The following TEX15 variants were observed in gnomAD, a reference collection of about 807,000 sequenced individuals.
TEX15 encodes the protein testis expressed 15, meiosis and synapsis associated, also known as testis-expressed protein 15.
TEX15 carries 171 observed loss-of-function variants against 237.3 expected under a neutral mutation model. The observed-to-expected ratio is 0.72, with a 90% confidence interval of 0.64 to 0.82. The LOEUF (loss-of-function observed/expected upper bound fraction) is 0.82, where lower values mean the gene tolerates loss of function less well. Among genes scored for constraint, TEX15 ranks in the 40% least tolerant of loss-of-function variants. The pLI is 0.00. For synonymous variants in TEX15, 1,338 were observed against 1,269.8 expected (o/e 1.05, Z -1.14); for missense variants, 3,750 against 3,646.5 (o/e 1.03, Z -0.73).
intron 9 of TEX15, among the ~76,000 whole-genome samples, 179 bp from the exon 10 acceptor site, chr8:30,838,240 T>C (rs1427685375): frequency 6.6e-6 from 1 of 152,194 alleles, no homozygotes; most frequent in Non-Finnish European, 1.5e-5. Context: ...GGTTTGGATT[T>C]AGATACTTTT....
rs1490765036 is a variant in TEX15 at position 30,844,412 on chromosome 8, G to A, written c.5755C>T (p.Leu1919Phe). The change falls in exon 8 of 11, where the codon CTT becomes TTT. Residue 1919 changes from leucine (L) to phenylalanine (F), a missense_variant. Physicochemically the swap from Leu to Phe is conservative, Grantham distance 22. Transcript: ENST00000643185. ...VPLKNTVSNP[L>F]NKREKKGEIK... ...TCCCCCTTCTTCTCTCTTTTGTTAA[G>A]CGGATTAGAAACTGTGTTCTTCAAA... is the stretch of plus-strand genomic sequence containing the variant. 6.2e-7 allele frequency: 1 copy of A among 1,611,112 alleles called. No homozygotes were observed. The highest frequency in any genetic ancestry group is 1.7e-5 in the Admixed American group (1 of 59,572).
chr8:30,880,860 GTTTT>G (rs1808505027), intron 3 of TEX15, among the ~76,000 whole-genome samples: 1 of 152,000 alleles, frequency 6.6e-6, no homozygotes, highest in Non-Finnish European at 1.5e-5. Context: ...ATGAACAATT[GTTTT>G]TTTATGTTTT....
In TEX15 at chr8:30,837,452, G is replaced by A; in HGVS notation, c.8832C>T (p.Asn2944=). The change falls in exon 10 of 11, where the codon AAC becomes AAT. Residue 2944 remains asparagine (N), a synonymous_variant. Transcript: ENST00000643185. ...TGTTTATCTGCAGAGTAGGAATTTTGTTCTGGATACAGATGGGTTCTGGAG... is the reference window on the plus strand; with the variant it reads ...TGTTTATCTGCAGAGTAGGAATTTTATTCTGGATACAGATGGGTTCTGGAG... ...MTSPEPICIQ[N]KIPTLQINKL... is the part of the protein sequence containing the mutation. 1 of 1,614,082 alleles carries A rather than the reference G, an allele frequency of 6.2e-7. No homozygotes were observed. Among genetic ancestry groups the A allele is most frequent in the Non-Finnish European group, 8.5e-7 (1 of 1,179,996 alleles).
At chr8:30,854,672 A>C (rs1374494439) in intron 7 of TEX15, among the ~76,000 whole-genome samples, 1 of 152,086 alleles carries the variant, frequency 6.6e-6, no homozygotes, top group Non-Finnish European at 1.5e-5. Context: ...TACCACCAAA[A>C]CCAGACAAAG....
At position 30,833,183 on chromosome 8, in the gene TEX15, C is replaced by A; in HGVS notation, c.*103G>T. 1.4e-6 allele frequency: 1 copy of A among 716,298 alleles called. No homozygotes were observed. The highest frequency in any genetic ancestry group is 2.3e-6 in the Non-Finnish European group (1 of 431,772). 44.4% of individuals were successfully genotyped at this position (716,298 alleles called of 1,614,324 possible). A position where few individuals can be genotyped will look rare whatever the true frequency, so the allele number is the denominator to read the frequency against. ...GGACCATATGATTTATATTTCCTAC[C>A]ACATTTACAAACATTAAAAATCGCT... On this transcript the variant is annotated 3_prime_UTR_variant, in exon 11 of 11. Transcript: ENST00000643185.
At position 30,845,582 on chromosome 8, in the gene TEX15, T is replaced by G; in HGVS notation, c.4585A>C (p.Ser1529Arg). 1 of 1,613,628 alleles carries G rather than the reference T, an allele frequency of 6.2e-7. No homozygotes were observed. Among genetic ancestry groups the G allele is most frequent in the South Asian group, 1.1e-5 (1 of 91,060 alleles). The change falls in exon 8 of 11, where the codon AGT (serine) becomes CGT (arginine). Residue 1529 changes from serine (S) to arginine (R), a missense_variant. By Grantham distance (110) the Ser-to-Arg change is moderately radical (BLOSUM62 -1). Coordinates refer to ENST00000643185, the MANE Select transcript of TEX15 (RefSeq NM_001350162.2). ...LPVSSTSQST[S>R]QSVYYNSSVS... Reference sequence around the variant, plus strand: ...CTGCTATTATAATAAACTGACTGACTTGTACTTTGGGATGTGGAGGATACA... The same window carrying G: ...CTGCTATTATAATAAACTGACTGACGTGTACTTTGGGATGTGGAGGATACA...
Position 30,847,158 on chromosome 8 carries a change from C to G in TEX15, c.3009G>C (p.Gln1003His). The change falls in exon 8 of 11, where the codon CAG (glutamine) becomes CAC (histidine). Residue 1003 changes from glutamine to histidine, a missense_variant. Transcript: ENST00000643185. ...PALSLNNDDH[Q>H]IYQFKETCSS... The stretch of plus-strand genomic sequence containing the variant: ...AACAAGTTTCTTTAAACTGGTATAT[C>G]TGGTGATCGTCATTATTTAGGCTTA... The G allele has an allele frequency of 6.2e-7, 1 of 1,613,868 alleles. No individual in the cohort carries two copies.
chr8:30,899,691 G>A (rs939834149), intron 1 of TEX15, among the ~76,000 whole-genome samples: 5 of 152,150 alleles, frequency 3.3e-5, no homozygotes, highest in Non-Finnish European at 7.3e-5. Flanking sequence ...GTCCGCCTCA[G>A]CCTGCCAAAG....
intron 9 of TEX15, among the ~76,000 whole-genome samples, chr8:30,838,819 T>TAC (rs1807378336): frequency 2.2e-5 from 2 of 91,182 alleles, no homozygotes; most frequent in Non-Finnish European, 4.5e-5. Flanking sequence ...TATATATATA[T>TAC]ATGAATTTTT....
chr8:30,858,446 G>C (rs2128770237), intron 7 of TEX15, among the ~76,000 whole-genome samples: 1 of 151,898 alleles, frequency 6.6e-6, no homozygotes, highest in East Asian at 1.9e-4. Flanking sequence ...TGTGTAGCTG[G>C]GATTACAGGC....
At position 30,888,382 on chromosome 8, in the gene TEX15, T is replaced by C. The variant is rs539513897; in HGVS notation, c.-9-1071A>G. On this transcript the variant is annotated intron_variant, in intron 2 of 10. Transcript: ENST00000643185. ...ATGGCCAACAACAGCCAATCGCTTATTGACTACTGTTCCATGGTATCATTC... is the reference window on the plus strand; with the variant it reads ...ATGGCCAACAACAGCCAATCGCTTACTGACTACTGTTCCATGGTATCATTC... 2.0e-5 allele frequency among the ~76,000 whole-genome samples: 3 copies of C among 152,322 alleles called. No individual in the cohort carries two copies. In the South Asian group the frequency reaches 6.2e-4, roughly 32 times the overall value.
At chr8:30,880,219 C>A (rs182030144) in intron 3 of TEX15, among the ~76,000 whole-genome samples, 1 of 111,054 alleles carries the variant, frequency 9.0e-6, no homozygotes, top group Non-Finnish European at 1.6e-5. Flanking sequence ...TTAGTAGAGA[C>A]GGGGTTTCGC....
intron 10 of TEX15, among the ~76,000 whole-genome samples, chr8:30,836,293 A>G (rs1284958378): frequency 7.8e-6 from 1 of 128,762 alleles, no homozygotes; most frequent in Non-Finnish European, 1.5e-5. Flanking sequence ...CGCTCACCAC[A>G]ACCTCTGCCT....
At chr8:30,889,954 C>CGTGTATATAT in intron 2 of TEX15, among the ~76,000 whole-genome samples, 1 of 110,086 alleles carries the variant, frequency 9.1e-6, no homozygotes, top group East Asian at 2.2e-4. Flanking sequence ...TATATATATA[C>CGTGTATATAT]ATATATATAT....
chr8:30,854,086 GAC>G (rs772977035), intron 7 of TEX15, among the ~76,000 whole-genome samples: 47 of 151,200 alleles, frequency 3.1e-4, no homozygotes, highest in South Asian at 8.4e-4. Context: ...TCCATCTTAA[GAC>G]ACACACACAC....
chr8:30,906,626 G>A (rs190876193), intron 1 of TEX15, among the ~76,000 whole-genome samples: 14 of 150,604 alleles, frequency 9.3e-5, no homozygotes, highest in Admixed American at 6.6e-5. Context: ...GAGAGAACAA[G>A]CATATATTAA....
At position 30,833,267 on chromosome 8, in the gene TEX15, A is replaced by C; in HGVS notation, c.*19T>G. 6.4e-7 allele frequency: 1 copy of C among 1,557,642 alleles called. No individual in the cohort carries two copies. The highest frequency in any genetic ancestry group is 8.7e-7 in the Non-Finnish European group (1 of 1,149,646). ...GGAAAAACTTGTTATGTCTTATTTC[A>C]ATAGACAGAAGACTATTTTCAGTGT... On this transcript the variant is annotated 3_prime_UTR_variant, in exon 11 of 11. Transcript: ENST00000643185.
In TEX15 at chr8:30,891,758, T is replaced by C. The variant is rs904942997; in HGVS notation, c.-9-4447A>G. Among the ~76,000 whole-genome samples, 4 of 152,172 alleles carry C rather than the reference T, an allele frequency of 2.6e-5. No individual in the cohort carries two copies. The East Asian group carries it at 5.8e-4, about 22-fold the overall frequency. On this transcript the variant is annotated intron_variant, in intron 2 of 10. Coordinates refer to ENST00000643185, the MANE Select transcript of TEX15 (RefSeq NM_001350162.2). ...CAAAGTGCCTGTAGGCATAAGCCAC[T>C]GAATCCAGCCCCCAATTTTTGAGAA...
Position 30,844,925 on chromosome 8 carries a change from A to AAGAATCTAC in TEX15, c.5233_5241dup (p.Val1745_Ser1747dup), listed in dbSNP as rs1459459926. 1 of 1,613,482 alleles carries AAGAATCTAC rather than the reference A, an allele frequency of 6.2e-7. No homozygotes were observed. On this transcript the variant is annotated inframe_insertion, in exon 8 of 11. Coordinates refer to ENST00000643185, the MANE Select transcript of TEX15 (RefSeq NM_001350162.2). Reference sequence around the variant, plus strand: ...TGTGGTACAGTACTGGATGCTGCAAAAGAATCTACAGTAAGAATTCTCTGC... The same window carrying AAGAATCTAC: ...TGTGGTACAGTACTGGATGCTGCAAAAGAATCTACAGAATCTACAGTAAGAATTCTCTGC...
Sources: gnomAD v4.1 joint callset for allele counts (sites outside exome capture counted in the v4.1 genomes callset) on GRCh38, gnomAD v4.1.1 for gene constraint, MANE v1.5 for transcripts, NCBI Gene and HGNC (gene_info 2026-07-23, HGNC 2026-07-21) for gene names.